Variants in TMC5 observed in about 807,000 individuals in gnomAD.
TMC5 encodes transmembrane channel-like protein 5.
Under a neutral mutation model 110.5 loss-of-function variants are expected in TMC5, and 86 were observed. That is an observed-to-expected ratio of 0.78 (90% CI 0.65 to 0.93). TMC5 has a LOEUF of 0.93. Ranked by LOEUF, TMC5 falls within the 40% of genes least tolerant of loss-of-function variation. TMC5 has a pLI of 0.00. For missense variants in TMC5, 1,144 were observed against 1,222.8 expected (o/e 0.94, Z 0.96); for synonymous variants, 455 against 439.5 (o/e 1.04, Z -0.44).
chr16:19,429,022 C>T (rs763401487), intron 1 of TMC5, among the ~76,000 whole-genome samples: 11 of 152,118 alleles, frequency 7.2e-5, no homozygotes, highest in Non-Finnish European at 1.3e-4. Flanking sequence ...GATGGGTTTT[C>T]GCCATGTTAG....
chr16:19,479,932 CAAA>C (rs34291127), intron 14 of TMC5, among the ~76,000 whole-genome samples: 6 of 95,740 alleles, frequency 6.3e-5, no homozygotes, highest in Admixed American at 1.1e-4. Flanking sequence ...TGTCTCTATC[CAAA>C]AAAAAAAAAA....
chr16:19,439,303 C>T (rs1967426151), intron 2 of TMC5, among the ~76,000 whole-genome samples: 1 of 152,140 alleles, frequency 6.6e-6, no homozygotes, highest in Admixed American at 6.5e-5. Flanking sequence ...TTACCCTAGT[C>T]CTCTAGTTTC....
At chr16:19,422,831 C>T (rs1967014076) in intron 1 of TMC5, among the ~76,000 whole-genome samples, 1 of 152,086 alleles carries the variant, frequency 6.6e-6, no homozygotes, top group Non-Finnish European at 1.5e-5. Flanking sequence ...ACCTGTAATC[C>T]CAGCTGCTTG....
chr16:19,441,500 G>A, intron 3 of TMC5, among the ~76,000 whole-genome samples: 1 of 151,674 alleles, frequency 6.6e-6, no homozygotes, highest in Admixed American at 6.6e-5. Context: ...TTTTATTTTT[G>A]TATAGAGATG....
At position 19,497,169 on chromosome 16, in the gene TMC5, T is replaced by G; in HGVS notation, c.2974+6T>G. The G allele has an allele frequency of 6.2e-7, 1 of 1,613,354 alleles. No homozygotes were observed. The highest frequency in any genetic ancestry group is 1.1e-5 in the South Asian group (1 of 91,064). On this transcript the variant is annotated splice_donor_region_variant and intron_variant, in intron 21 of 21. Coordinates refer to ENST00000542583, the MANE Select transcript of TMC5 (RefSeq NM_001261841.2). ...GGAACATGATGGCAGTCTTGGTGAG[T>G]AATTAAACTGGGACAGAATAAGACA...
At chr16:19,427,575 C>T (rs769535962) in intron 1 of TMC5, among the ~76,000 whole-genome samples, 1 of 152,054 alleles carries the variant, frequency 6.6e-6, no homozygotes, top group Non-Finnish European at 1.5e-5. Flanking sequence ...TGTAGAGAAC[C>T]ATTCCATCGG....
upstream of TMC5, among the ~76,000 whole-genome samples, chr16:19,416,059 T>C (rs1158651366): frequency 1.1e-4 from 17 of 152,046 alleles, no homozygotes; most frequent in African/African-American, 3.9e-4. Context: ...TACATACCTG[T>C]AGTCTCACCT....
rs541694555 is a variant in TMC5 at position 19,480,848 on chromosome 16, G to T, written c.2268-522G>T. Among the ~76,000 whole-genome samples, 30 of 144,532 alleles carry T rather than the reference G, an allele frequency of 2.1e-4. 1 individual carries two copies. The highest frequency in any genetic ancestry group is 5.8e-4 in the African/African-American group (23 of 39,574). The allele number at this position is 144,532 out of a possible 152,430, so 94.8% of individuals were successfully genotyped here. A position where few individuals can be genotyped will look rare whatever the true frequency, so the allele number is the denominator to read the frequency against. On this transcript the variant is annotated intron_variant, in intron 14 of 21. Transcript: ENST00000542583. Reference sequence around the variant, plus strand: ...AAAGTGAAAAGATTTTTTTTTGACAGATCTTTTTTTTTAAATTGGCAACTC... The same window carrying T: ...AAAGTGAAAAGATTTTTTTTTGACATATCTTTTTTTTTAAATTGGCAACTC...
At chr16:19,464,091 C>T (rs960730193) in intron 8 of TMC5, 67 bp downstream of exon 8, 59 of 1,546,802 alleles carry the variant, frequency 3.8e-5, no homozygotes, top group Middle Eastern at 2.1e-4. Flanking sequence ...CGTGCCTTGC[C>T]GGTCACCCAC....
chr16:19,496,652 A>C (rs1597224879), intron 20 of TMC5, among the ~76,000 whole-genome samples: 1 of 152,048 alleles, frequency 6.6e-6, no homozygotes, highest in Admixed American at 6.6e-5. Flanking sequence ...TGGGAGGCCG[A>C]GGTGGACAGA....
chr16:19,427,732 A>G (rs1475112122), intron 1 of TMC5, among the ~76,000 whole-genome samples: 2 of 151,890 alleles, frequency 1.3e-5, no homozygotes, highest in Admixed American at 6.6e-5. Flanking sequence ...CTAGATGCCA[A>G]TGTCACACCC....
At chr16:19,497,250 C>T (rs555616998) in intron 21 of TMC5, 87 bp downstream of exon 21, 25 of 1,413,886 alleles carry the variant, frequency 1.8e-5, no homozygotes, top group South Asian at 7.3e-5. Context: ...CTCATGTGTC[C>T]ATTACTTTTT....
chr16:19,474,418 T>C (rs764407253), intron 12 of TMC5, 142 bp downstream of exon 12: 12 of 969,354 alleles, frequency 1.2e-5, no homozygotes, highest in Middle Eastern at 2.4e-4. Flanking sequence ...CTGGGCGTGG[T>C]GGCTCATGTC....
At chr16:19,439,171 A>G (rs1035251252) in intron 2 of TMC5, among the ~76,000 whole-genome samples, 2 of 152,196 alleles carry the variant, frequency 1.3e-5, no homozygotes, top group South Asian at 2.1e-4. Flanking sequence ...CCAAACTTAA[A>G]ATATGTTAGG....
At chr16:19,446,251 G>C (rs1266733237) in intron 4 of TMC5, among the ~76,000 whole-genome samples, 1 of 152,180 alleles carries the variant, frequency 6.6e-6, no homozygotes, top group East Asian at 1.9e-4. Flanking sequence ...AAATCCCAAG[G>C]GGGGAATATC....
At chr16:19,453,609 A>G (rs1160800809) in intron 5 of TMC5, among the ~76,000 whole-genome samples, 6 of 151,772 alleles carry the variant, frequency 4.0e-5, no homozygotes, top group African/African-American at 1.2e-4. Flanking sequence ...AAAAGAAGAA[A>G]AAAGAAAAAT....
At chr16:19,497,790 A>T in intron 21 of TMC5, 130 bp from the exon 22 acceptor site, 1 of 759,762 alleles carries the variant, frequency 1.3e-6, no homozygotes, top group East Asian at 2.7e-5. Context: ...GGGAAGGATT[A>T]TAGAAACTAA....
At position 19,469,824 on chromosome 16, in the gene TMC5, G is replaced by C. The variant is rs939078269; in HGVS notation, c.1781G>C (p.Arg594Thr). Residue 594 changes from arginine (R) to threonine (T), a missense_variant and splice_region_variant, in exon 10 of 22, where the codon AGG becomes ACG. Arg to Thr is a moderately conservative substitution (Grantham distance 71). Coordinates refer to ENST00000542583, the MANE Select transcript of TMC5 (RefSeq NM_001261841.2). ...CAGAAGAATCTTAGCACTGAGATAA[G>C]GGTAAGGCGAGCTCACTTTACTCAT... ...LKQKNLSTEI[R>T]ENLSELRQEN... 9 of 1,613,904 alleles carry C rather than the reference G, an allele frequency of 5.6e-6. No individual in the cohort carries two copies. The highest frequency in any genetic ancestry group is 2.2e-5 in the South Asian group (2 of 91,076).
chr16:19,434,797 A>G (rs766304331), intron 2 of TMC5, among the ~76,000 whole-genome samples: 4 of 152,100 alleles, frequency 2.6e-5, no homozygotes, highest in Non-Finnish European at 4.4e-5. Context: ...TCTGTGCCTT[A>G]TCTTGTTCAT....
Sources: allele counts gnomAD v4.1 joint callset (sites outside exome capture counted in the v4.1 genomes callset), GRCh38; gene constraint gnomAD v4.1.1; transcripts MANE v1.5; gene names NCBI Gene and HGNC (gene_info 2026-07-23, HGNC 2026-07-21).